IQCM: variants seen among roughly 807,000 people sequenced by gnomAD.
IQCM encodes IQ motif containing M.
A neutral mutation model predicts 57.6 loss-of-function variants in IQCM; 45 were observed. That is an observed-to-expected ratio of 0.78 (90% CI 0.62 to 1.00). IQCM has a LOEUF of 1.00. IQCM is among the 50% of genes least tolerant of loss of function. The pLI is 0.00. For missense variants in IQCM, 468 were observed against 511.6 expected (o/e 0.91, Z 0.82); for synonymous variants, 148 against 158.9 (o/e 0.93, Z 0.51).
intron 9 of IQCM, among the ~76,000 whole-genome samples, chr4:149,567,826 C>A (rs1024569143): frequency 1.9e-4 from 29 of 151,958 alleles, no homozygotes; most frequent in Non-Finnish European, 2.9e-4. Context: ...AATGTTATAA[C>A]AATTTTATTT....
intron 10 of IQCM, among the ~76,000 whole-genome samples, chr4:149,554,712 T>G (rs1410423223): frequency 6.6e-6 from 1 of 151,948 alleles, no homozygotes; most frequent in Non-Finnish European, 1.5e-5. Context: ...CTTTCTTTTT[T>G]TTTTTGAGAC....
intron 12 of IQCM, among the ~76,000 whole-genome samples, chr4:149,463,714 C>A (rs571420324): frequency 6.6e-6 from 1 of 152,198 alleles, no homozygotes; most frequent in South Asian, 2.1e-4. Context: ...AAAATGAACT[C>A]ATTGTTCTTT....
chr4:149,385,138 A>T (rs887838085), intron 13 of IQCM, among the ~76,000 whole-genome samples: 5 of 152,106 alleles, frequency 3.3e-5, no homozygotes, highest in Non-Finnish European at 7.4e-5. Context: ...ATGTTGTAGC[A>T]CTAGCTATAT....
chr4:149,690,222 A>G (rs12650703), intron 5 of IQCM, among the ~76,000 whole-genome samples: 10 of 152,136 alleles, frequency 6.6e-5, no homozygotes, highest in Admixed American at 6.6e-4. Flanking sequence ...ATACACACAC[A>G]CAATGGAATA....
At chr4:149,543,352 A>T (rs1748044894) in intron 12 of IQCM, among the ~76,000 whole-genome samples, 1 of 152,132 alleles carries the variant, frequency 6.6e-6, no homozygotes, top group Admixed American at 6.6e-5. Context: ...AAATAATGTC[A>T]TATTGACAGA....
At chr4:149,395,562 T>C (rs1732162854) in intron 13 of IQCM, among the ~76,000 whole-genome samples, 1 of 151,990 alleles carries the variant, frequency 6.6e-6, no homozygotes. Context: ...CAGGAAGGAA[T>C]CCCAAAGGGT....
chr4:149,405,889 C>CAT (rs10595442), intron 13 of IQCM, among the ~76,000 whole-genome samples: 4 of 142,150 alleles, frequency 2.8e-5, no homozygotes, highest in East Asian at 2.1e-4. Flanking sequence ...TATATATCTT[C>CAT]ATATATATAT....
intron 13 of IQCM, among the ~76,000 whole-genome samples, chr4:149,409,674 T>C (rs1279313352): frequency 2.0e-5 from 3 of 152,206 alleles, no homozygotes; most frequent in African/African-American, 7.2e-5. Flanking sequence ...TTCTGCCTAA[T>C]GAGCTGGGAT....
rs181092285 is a variant in IQCM at position 149,510,506 on chromosome 4, G to A, written c.1228+37949C>T. 1.9e-4 allele frequency among the ~76,000 whole-genome samples: 29 copies of A among 152,240 alleles called. No homozygotes were observed. In the East Asian group the frequency reaches 4.4e-3, roughly 23 times the overall value. On this transcript the variant is annotated intron_variant, in intron 12 of 13. Coordinates refer to ENST00000636793, the MANE Select transcript of IQCM (RefSeq NM_001363507.2). ...GATTTATAGAGACATTGTAAAGATA[G>A]TATAGGGAATACTGAAATCCCCTCA... is the stretch of plus-strand genomic sequence containing the variant.
chr4:149,600,647 CA>C (rs1447515457), intron 8 of IQCM, among the ~76,000 whole-genome samples: 3 of 152,134 alleles, frequency 2.0e-5, no homozygotes, highest in Non-Finnish European at 4.4e-5. Flanking sequence ...GCACTGGGGT[CA>C]AAGGCTGCCC....
rs116731651 is a variant in IQCM, at chr4:149,785,422, G to A, written c.-49+29889C>T. Among the ~76,000 whole-genome samples, 208 of 152,126 alleles carry A rather than the reference G, an allele frequency of 1.4e-3. 1 individual carries two copies. Among genetic ancestry groups the A allele is most frequent in the African/African-American group, 4.7e-3 (194 of 41,514 alleles). On this transcript the variant is annotated intron_variant, in intron 2 of 13. Coordinates refer to ENST00000636793, the MANE Select transcript of IQCM (RefSeq NM_001363507.2). ...AATAGAAATGTAATTCATGAATAAC[G>A]GTTGGTAGGCATTCCATCAATTTAA...
intron 9 of IQCM, among the ~76,000 whole-genome samples, chr4:149,573,643 A>T (rs955638340): frequency 7.9e-5 from 12 of 151,908 alleles, no homozygotes; most frequent in African/African-American, 2.7e-4. Context: ...TCTTCAAAAT[A>T]GTATTGTTAG....
At chr4:149,381,671 A>G (rs1433281732) in intron 13 of IQCM, among the ~76,000 whole-genome samples, 1 of 152,128 alleles carries the variant, frequency 6.6e-6, no homozygotes, top group East Asian at 1.9e-4. Flanking sequence ...AAACTAAAGT[A>G]TCACCTACCC....
intron 7 of IQCM, among the ~76,000 whole-genome samples, chr4:149,635,498 C>T (rs1303882833): frequency 6.6e-6 from 1 of 152,116 alleles, no homozygotes; most frequent in Admixed American, 6.5e-5. Flanking sequence ...TATGCCCTCT[C>T]CTGCCTACTA....
intron 12 of IQCM, among the ~76,000 whole-genome samples, chr4:149,526,409 CAAG>C (rs1449718517): frequency 6.6e-6 from 1 of 151,766 alleles, no homozygotes; most frequent in Non-Finnish European, 1.5e-5. Flanking sequence ...CATATATAAG[CAAG>C]AAGAAGAGCA....
At chr4:149,634,411 T>C (rs748246731) in intron 7 of IQCM, among the ~76,000 whole-genome samples, 1 of 152,236 alleles carries the variant, frequency 6.6e-6, no homozygotes, top group Non-Finnish European at 1.5e-5. Flanking sequence ...TTGCCTTGTA[T>C]TGTAGATTAC....
rs560517315 is a variant in IQCM, at chr4:149,685,583, A to G, written c.476+795T>C. Reference sequence around the variant, plus strand: ...TAGCTCACAACTTAAACGTTGGAAGACCCATAAAGTTCTTCATAGCCTTGC... The same window carrying G: ...TAGCTCACAACTTAAACGTTGGAAGGCCCATAAAGTTCTTCATAGCCTTGC... On this transcript the variant is annotated intron_variant, in intron 6 of 13. Coordinates refer to ENST00000636793, the MANE Select transcript of IQCM (RefSeq NM_001363507.2). Among the ~76,000 whole-genome samples the G allele has an allele frequency of 9.2e-5, 14 of 151,566 alleles. No homozygotes were observed. The East Asian group carries it at 2.7e-3, about 30-fold the overall frequency.
At chr4:149,377,332 G>A (rs1361078806) in intron 13 of IQCM, among the ~76,000 whole-genome samples, 1 of 152,100 alleles carries the variant, frequency 6.6e-6, no homozygotes, top group Admixed American at 6.6e-5. Context: ...AAACATTTCT[G>A]AAGATTATCT....
At position 149,519,344 on chromosome 4, in the gene IQCM, G is replaced by A. The variant is rs140241364; in HGVS notation, c.1228+29111C>T. Among the ~76,000 whole-genome samples the A allele has an allele frequency of 2.5e-3, 388 of 152,252 alleles. 1 individual carries two copies. The highest frequency in any genetic ancestry group is 8.7e-3 in the African/African-American group (362 of 41,546). ...TACCCTTAAAAGTGCTTTCTTGGCC[G>A]GGCGCGGTGGCTCACGCCTGTAATC... On this transcript the variant is annotated intron_variant, in intron 12 of 13. Coordinates refer to ENST00000636793, the MANE Select transcript of IQCM (RefSeq NM_001363507.2).
Sources: allele counts gnomAD v4.1 joint callset (sites outside exome capture counted in the v4.1 genomes callset), GRCh38; gene constraint gnomAD v4.1.1; transcripts MANE v1.5; gene names NCBI Gene and HGNC (gene_info 2026-07-23, HGNC 2026-07-21).